The following EML5 variants were observed in gnomAD, a reference collection of about 807,000 sequenced individuals.
The protein encoded by EML5 is echinoderm microtubule-associated protein-like 5.
A neutral mutation model predicts 250.0 loss-of-function variants in EML5; 120 were observed. The ratio of observed to expected loss-of-function variants is 0.48; its 90% CI spans 0.41 to 0.56. The LOEUF (loss-of-function observed/expected upper bound fraction) is 0.56. EML5 is among the 20% of genes least tolerant of loss of function. The probability of loss-of-function intolerance (pLI) is 0.00; values close to 1 mark genes in which losing one functional copy is unlikely to be tolerated. For synonymous variants in EML5, 771 were observed against 806.5 expected (o/e 0.96, Z 0.75); for missense variants, 2,006 against 2,437.6 (o/e 0.82, Z 3.73).
intron 10 of EML5, 121 bp downstream of exon 10, chr14:88,712,150 C>A: frequency 1.5e-6 from 1 of 670,350 alleles, no homozygotes; most frequent in South Asian, 2.2e-5. Context: ...AAATGAAACC[C>A]TTCACCAATC....
intron 39 of EML5, chr14:88,619,440 A>G (rs1445820845): frequency 6.6e-6 from 1 of 152,304 alleles, no homozygotes; most frequent in East Asian, 1.9e-4. Context: ...CCTGGCCTCA[A>G]GCAATCCTTC....
Position 88,622,786 on chromosome 14 carries a change from A to G in EML5, c.4899-68T>C, listed in dbSNP as rs1346567276. On this transcript the variant is annotated intron_variant, in intron 36 of 43. Coordinates refer to ENST00000554922, the MANE Select transcript of EML5 (RefSeq NM_183387.3). ...ACTATAATTTTTATTATAAACAAAT[A>G]CCAAGTTATAAGCAGAATCTTTTTT... 6 of 1,099,540 alleles carry G rather than the reference A, an allele frequency of 5.5e-6. No individual in the cohort carries two copies. The East Asian group carries it at 8.1e-5, about 15-fold the overall frequency. The allele number at this position is 1,099,540 out of a possible 1,614,324, so 68.1% of individuals were successfully genotyped here. A position where few individuals can be genotyped will look rare whatever the true frequency, so the allele number is the denominator to read the frequency against.
intron 33 of EML5, among the ~76,000 whole-genome samples, chr14:88,630,240 G>C (rs900717056): frequency 6.6e-6 from 1 of 151,842 alleles, no homozygotes; most frequent in Non-Finnish European, 1.5e-5. Flanking sequence ...ATGTTGGTCA[G>C]GCTGGTCTTG....
At chr14:88,637,715 T>C (rs554734159) in intron 32 of EML5, among the ~76,000 whole-genome samples, 3 of 152,274 alleles carry the variant, frequency 2.0e-5, no homozygotes, top group East Asian at 1.9e-4. Flanking sequence ...CCAAGAGGCA[T>C]TGAGCTAGGT....
At position 88,711,494 on chromosome 14, in the gene EML5, A is replaced by G. The variant is rs572708847; in HGVS notation, c.1657+777T>C. The stretch of plus-strand genomic sequence containing the variant: ...AGGAGAAGTCCATGAGATCACAGGA[A>G]AAACTACCATTTATAAAACCATTGG... On this transcript the variant is annotated intron_variant, in intron 10 of 43. Transcript: ENST00000554922. 5.9e-5 allele frequency among the ~76,000 whole-genome samples: 9 copies of G among 151,530 alleles called. No homozygotes were observed. In the South Asian group the frequency reaches 1.9e-3, roughly 32 times the overall value.
intron 10 of EML5, among the ~76,000 whole-genome samples, chr14:88,707,604 C>T (rs1337128019): frequency 1.3e-5 from 2 of 152,108 alleles, no homozygotes; most frequent in African/African-American, 2.4e-5. Flanking sequence ...GCCCCATCAA[C>T]GAAATTCTGG....
At chr14:88,665,829 G>A (rs1239747846) in intron 21 of EML5, among the ~76,000 whole-genome samples, 1 of 152,012 alleles carries the variant, frequency 6.6e-6, no homozygotes, top group Non-Finnish European at 1.5e-5. Flanking sequence ...GACTGTTTGA[G>A]CCCAGGAGGT....
intron 1 of EML5, among the ~76,000 whole-genome samples, chr14:88,765,591 A>G (rs1331882814): frequency 2.0e-5 from 3 of 152,176 alleles, no homozygotes; most frequent in East Asian, 1.9e-4. Flanking sequence ...AATTCAAGAT[A>G]CTCTCAATAT....
intron 17 of EML5, among the ~76,000 whole-genome samples, chr14:88,689,979 G>T (rs1347677284): frequency 6.6e-6 from 1 of 152,154 alleles, no homozygotes; most frequent in Non-Finnish European, 1.5e-5. Flanking sequence ...TTTAAGTAGG[G>T]TGGTTAAGGT....
chr14:88,732,451 CT>C (rs1279190166), intron 7 of EML5, among the ~76,000 whole-genome samples: 2 of 152,274 alleles, frequency 1.3e-5, no homozygotes, highest in East Asian at 3.9e-4. Context: ...CAGTACCATG[CT>C]GTTTTGGTTA....
At chr14:88,752,255 T>A (rs1181090328) in intron 2 of EML5, among the ~76,000 whole-genome samples, 1 of 152,148 alleles carries the variant, frequency 6.6e-6, no homozygotes, top group Admixed American at 6.6e-5. Flanking sequence ...AGGGCAAATT[T>A]AAAGCTAAGA....
At position 88,792,741 on chromosome 14, in the gene EML5, G is replaced by A; in HGVS notation, c.-238C>T. ...GGCCGCGAGCGCCGCCGGCTGTCAA[G>A]TGGATGCCCAGAGCCCTTCGCCCGC... On this transcript the variant is annotated 5_prime_UTR_variant, in exon 1 of 44. Transcript: ENST00000554922. The surrounding 1 kb of genome is among the most constrained non-coding windows in gnomAD (Gnocchi z 6.9). 1 of 1,074,952 alleles carries A rather than the reference G, an allele frequency of 9.3e-7. No individual in the cohort carries two copies. 66.6% of individuals were successfully genotyped at this position (1,074,952 alleles called of 1,614,324 possible). A position where few individuals can be genotyped will look rare whatever the true frequency, so the allele number is the denominator to read the frequency against.
chr14:88,763,823 C>T (rs556039318), intron 1 of EML5, among the ~76,000 whole-genome samples: 3 of 152,266 alleles, frequency 2.0e-5, no homozygotes, highest in African/African-American at 7.2e-5. Flanking sequence ...CCTGCTTTTA[C>T]AAGGAAAACA....
chr14:88,717,986 T>C (rs2093528119), intron 8 of EML5, among the ~76,000 whole-genome samples: 1 of 152,226 alleles, frequency 6.6e-6, no homozygotes, highest in South Asian at 2.1e-4. Flanking sequence ...AATTAAAATG[T>C]TCCTAGAAAA....
intron 25 of EML5, 72 bp from the exon 26 acceptor site, chr14:88,658,460 A>T: frequency 8.4e-7 from 1 of 1,193,552 alleles, no homozygotes; most frequent in Admixed American, 2.5e-5. Context: ...TATGATTTTG[A>T]ATTTTATTAA....
chr14:88,643,607 G>A (rs1378265610), intron 30 of EML5, among the ~76,000 whole-genome samples: 1 of 152,114 alleles, frequency 6.6e-6, no homozygotes, highest in Non-Finnish European at 1.5e-5. Flanking sequence ...TAGAGGGACT[G>A]TATTTTTTGT....
intron 28 of EML5, among the ~76,000 whole-genome samples, chr14:88,648,985 GTTTTCATCCTTATCTCCCAGC>G (rs2091489016): frequency 6.6e-6 from 1 of 151,968 alleles, no homozygotes; most frequent in African/African-American, 2.4e-5. Flanking sequence ...CAAGTCTACT[GTTTTCATCCTTATCTCCCAGC>G]ATTTTCCTAG....
chr14:88,624,502 A>G (rs1317175804), intron 36 of EML5: 5 of 155,964 alleles, frequency 3.2e-5, no homozygotes, highest in African/African-American at 1.2e-4. Flanking sequence ...GGTCTTGTAT[A>G]AAACAGTTTA....
chr14:88,745,898 T>A lies in EML5; in HGVS notation c.456+287A>T, dbSNP rs561742035. The stretch of plus-strand genomic sequence containing the variant: ...CACGTGTATACCTATGTAACAAACC[T>A]GCACGTTCTGCACATGTACCCCAGA... On this transcript the variant is annotated intron_variant, in intron 3 of 43. Transcript: ENST00000554922. 4.9e-4 allele frequency among the ~76,000 whole-genome samples: 74 copies of A among 152,192 alleles called. No individual in the cohort carries two copies. The Middle Eastern group carries it at 0.017, about 35-fold the overall frequency.
Sources: gnomAD v4.1 joint callset for allele counts (sites outside exome capture counted in the v4.1 genomes callset) on GRCh38, gnomAD v4.1.1 for gene constraint, Gnocchi (gnomAD v3.1) non-coding constraint, MANE v1.5 for transcripts, NCBI Gene and HGNC (gene_info 2026-07-23, HGNC 2026-07-21) for gene names.